The following ZFHX4 variants were observed in gnomAD, a reference collection of about 807,000 sequenced individuals.
ZFHX4 encodes the protein zinc finger homeobox 4, also known as zinc finger homeobox protein 4.
Under a neutral mutation model 267.6 loss-of-function variants are expected in ZFHX4, and 56 were observed. That is an observed-to-expected ratio of 0.21 (90% CI 0.17 to 0.26). ZFHX4 has a LOEUF of 0.26. Ranked by LOEUF, ZFHX4 falls within the 10% of genes least tolerant of loss-of-function variation. The pLI is 1.00. For missense variants in ZFHX4, 4,332 were observed against 4,420.0 expected (o/e 0.98, Z 0.56); for synonymous variants, 1,778 against 1,665.6 (o/e 1.07, Z -1.64).
chr8:76,696,052 C>G (rs1807947841), intron 1 of ZFHX4, among the ~76,000 whole-genome samples: 1 of 152,096 alleles, frequency 6.6e-6, no homozygotes, highest in African/African-American at 2.4e-5. Flanking sequence ...GTTCTTGGTC[C>G]TAATAGATAC....
intron 3 of ZFHX4, among the ~76,000 whole-genome samples, chr8:76,748,327 C>T (rs1371177591): frequency 1.3e-5 from 2 of 152,244 alleles, no homozygotes; most frequent in Admixed American, 1.3e-4. Context: ...GCTGAGCCTT[C>T]CACCTGGCAT....
chr8:76,797,912 GTGTGTGTC>G (rs904119800), intron 4 of ZFHX4, among the ~76,000 whole-genome samples: 11 of 151,244 alleles, frequency 7.3e-5, no homozygotes, highest in Admixed American at 1.3e-4. Flanking sequence ...GTGTGTGTGT[GTGTGTGTC>G]TGTGTGTCTG....
At chr8:76,850,644 A>G (rs1314317964) in intron 9 of ZFHX4, among the ~76,000 whole-genome samples, 1 of 152,188 alleles carries the variant, frequency 6.6e-6, no homozygotes, top group East Asian at 1.9e-4. Flanking sequence ...GCAAGCTCTA[A>G]TGACCTTTGA....
At position 76,852,455 on chromosome 8, in the gene ZFHX4, A is replaced by T. The variant is rs746387469; in HGVS notation, c.5534A>T (p.Asp1845Val). The T allele has an allele frequency of 1.9e-6, 3 of 1,569,500 alleles. No homozygotes were observed. The highest frequency in any genetic ancestry group is 2.6e-6 in the Non-Finnish European group (3 of 1,156,930). ...GAGCAAAGTAACATAGTGAGTGCAG[A>T]CTGCCAAATCATGAAGGATGTGCCA... is the stretch of plus-strand genomic sequence containing the variant. ...KQEQSNIVSA[D>V]CQIMKDVPSY... The change falls in exon 10 of 11, where the codon GAC becomes GTC. Residue 1845 changes from aspartate (D) to valine (V), a missense_variant. Physicochemically the swap from Asp to Val is radical, Grantham distance 152. Transcript: ENST00000651372.
At chr8:76,821,973 C>CT (rs990984855) in intron 4 of ZFHX4, among the ~76,000 whole-genome samples, 6 of 152,034 alleles carry the variant, frequency 3.9e-5, no homozygotes, top group African/African-American at 1.4e-4. Context: ...CACTTGCTCT[C>CT]TGTTTCTCTA....
At chr8:76,687,638 A>C (rs1352684013) in intron 1 of ZFHX4, among the ~76,000 whole-genome samples, 2 of 152,206 alleles carry the variant, frequency 1.3e-5, no homozygotes, top group Non-Finnish European at 2.9e-5. Flanking sequence ...TGGTTAACAT[A>C]ATCATATTTA....
intron 4 of ZFHX4, among the ~76,000 whole-genome samples, chr8:76,817,133 G>A (rs1811527499): frequency 6.6e-6 from 1 of 152,112 alleles, no homozygotes; most frequent in Non-Finnish European, 1.5e-5. Flanking sequence ...ATAGAATATT[G>A]TGGATTGTTG....
At chr8:76,838,100 T>C (rs960126425) in intron 5 of ZFHX4, among the ~76,000 whole-genome samples, 2 of 152,180 alleles carry the variant, frequency 1.3e-5, no homozygotes, top group African/African-American at 4.8e-5. Context: ...AGAAAAGTTG[T>C]TCTAAATAAG....
intron 3 of ZFHX4, among the ~76,000 whole-genome samples, chr8:76,775,364 G>T (rs1313452493): frequency 6.6e-6 from 1 of 152,308 alleles, no homozygotes; most frequent in South Asian, 2.1e-4. Context: ...GAAAATGTAC[G>T]CTGGGTAAGA....
At chr8:76,745,051 G>A (rs983297612) in intron 3 of ZFHX4, among the ~76,000 whole-genome samples, 2 of 152,120 alleles carry the variant, frequency 1.3e-5, no homozygotes, top group African/African-American at 4.8e-5. Context: ...TTCAGCCTTG[G>A]TATTTCTACA....
chr8:76,850,923 C>T lies in ZFHX4; in HGVS notation c.4002C>T (p.Leu1334=), dbSNP rs1274556273. ...TGGATGACAAAAGCATGGCAGGTCT[C>T]GAGGATTCAAAGGCTAATGTGGAAG... ...SPMDDKSMAG[L]EDSKANVEVK... is the part of the protein sequence containing the mutation. Residue 1334 remains leucine, a synonymous_variant, in exon 10 of 11, where the codon CTC becomes CTT. Coordinates refer to ENST00000651372, the MANE Select transcript of ZFHX4 (RefSeq NM_024721.5). The T allele has an allele frequency of 1.5e-5, 24 of 1,611,554 alleles. No individual in the cohort carries two copies. Among genetic ancestry groups the T allele is most frequent in the East Asian group, 2.2e-5 (1 of 44,776 alleles).
At chr8:76,729,655 T>C (rs1808946585) in intron 3 of ZFHX4, among the ~76,000 whole-genome samples, 1 of 152,166 alleles carries the variant, frequency 6.6e-6, no homozygotes, top group Non-Finnish European at 1.5e-5. Context: ...TCTCTTAACA[T>C]AATTTTACAT....
rs753754443 is a variant in ZFHX4 at position 76,706,132 on chromosome 8, C to T, written c.2044C>T (p.Pro682Ser). ...TTGTGTTTATTGTAAGACTGGACAG[C>T]CTCACCCCAGGCTTGCCCGGGGTGA... ...GSCVYCKTGQ[P>S]HPRLARGESY... Residue 682 changes from proline (P) to serine (S), a missense_variant, in exon 2 of 11, where the codon CCT (proline) becomes TCT (serine). Physicochemically the swap from Pro to Ser is moderately conservative, Grantham distance 74 (BLOSUM62 -1). Around this residue, in one of 7 missense-constraint regions of ZFHX4, gnomAD observed 1,195 missense variants for 1,173.6 expected, o/e 1.02. Transcript: ENST00000651372. The T allele has an allele frequency of 1.3e-5, 21 of 1,613,668 alleles. No individual in the cohort carries two copies. Among genetic ancestry groups the T allele is most frequent in the Non-Finnish European group, 1.6e-5 (19 of 1,179,878 alleles).
At chr8:76,703,966 T>C in intron 1 of ZFHX4, 77 bp from the exon 2 acceptor site, 5 of 1,033,596 alleles carry the variant, frequency 4.8e-6, no homozygotes, top group Non-Finnish European at 6.9e-6. Flanking sequence ...ACAGCAGCTG[T>C]AAATTAGTGA....
intron 4 of ZFHX4, among the ~76,000 whole-genome samples, chr8:76,813,001 G>A (rs983095042): frequency 6.6e-6 from 1 of 152,120 alleles, no homozygotes; most frequent in African/African-American, 2.4e-5. Flanking sequence ...ATACTATTGT[G>A]ATATTTAAAA....
intron 1 of ZFHX4, among the ~76,000 whole-genome samples, chr8:76,694,873 T>A (rs1422612880): frequency 6.6e-6 from 1 of 150,532 alleles, no homozygotes; most frequent in East Asian, 2.0e-4. Context: ...GCGATGAGAG[T>A]TAATGATATA....
intron 10 of ZFHX4, among the ~76,000 whole-genome samples, chr8:76,857,104 T>C (rs763715314): frequency 2.5e-4 from 38 of 152,178 alleles, no homozygotes; most frequent in Non-Finnish European, 4.6e-4. Context: ...CATCAAAAGA[T>C]ATGCAGTTTG....
At chr8:76,691,765 G>A (rs1042460241) in intron 1 of ZFHX4, among the ~76,000 whole-genome samples, 6 of 152,064 alleles carry the variant, frequency 3.9e-5, no homozygotes, top group Non-Finnish European at 8.8e-5. Context: ...ATAAGATAAA[G>A]TGTTGTGAAC....
In ZFHX4 at chr8:76,852,233, C is replaced by G. The variant is rs566127152; in HGVS notation, c.5312C>G (p.Ala1771Gly). 7.4e-6 allele frequency: 12 copies of G among 1,611,718 alleles called. No individual in the cohort carries two copies. The highest frequency in any genetic ancestry group is 1.0e-5 in the Non-Finnish European group (12 of 1,178,582). Residue 1771 changes from alanine (A) to glycine (G), a missense_variant, in exon 10 of 11, where the codon GCT (alanine) becomes GGT (glycine). Around this residue, in one of 7 missense-constraint regions of ZFHX4, gnomAD observed 1,371 missense variants for 1,423.1 expected, o/e 0.96. Transcript: ENST00000651372. ...TFGMPGMTGMAGSLLEDLKQQ... is the reference protein window; with the variant it reads ...TFGMPGMTGMGGSLLEDLKQQ... Reference sequence around the variant, plus strand: ...GGGATGCCTGGCATGACAGGAATGGCTGGCTCCTTGCTTGAAGACCTAAAG... The same window carrying G: ...GGGATGCCTGGCATGACAGGAATGGGTGGCTCCTTGCTTGAAGACCTAAAG...
Sources: allele counts gnomAD v4.1 joint callset (sites outside exome capture counted in the v4.1 genomes callset), GRCh38; gene constraint gnomAD v4.1.1; regional missense constraint gnomAD v4.1.1; transcripts MANE v1.5; gene names NCBI Gene and HGNC (gene_info 2026-07-23, HGNC 2026-07-21).